The following MAPK10 variants were observed in gnomAD, a reference collection of about 807,000 sequenced individuals.
MAPK10 encodes JNK3 alpha protein kinase.
Under a neutral mutation model 59.3 loss-of-function variants are expected in MAPK10, and 25 were observed. That is an observed-to-expected ratio of 0.42 (90% confidence interval 0.31 to 0.59). The LOEUF (loss-of-function observed/expected upper bound fraction) is 0.59. MAPK10 is among the 20% of genes least tolerant of loss of function. The probability of loss-of-function intolerance (pLI) is 0.15; values close to 1 mark genes in which losing one functional copy is unlikely to be tolerated. For synonymous variants in MAPK10, 190 were observed against 200.5 expected (o/e 0.95, Z 0.44); for missense variants, 351 against 568.9 (o/e 0.62, Z 3.90).
At chr4:86,511,752 G>C (rs774438075) in intron 1 of MAPK10, among the ~76,000 whole-genome samples, 6 of 149,042 alleles carry the variant, frequency 4.0e-5, no homozygotes, top group Non-Finnish European at 8.9e-5. Context: ...AGGGAAAGGG[G>C]GAGGGGAGAG....
At chr4:86,477,339 C>T (rs1279609470) in intron 1 of MAPK10, among the ~76,000 whole-genome samples, 2 of 152,126 alleles carry the variant, frequency 1.3e-5, no homozygotes, top group Non-Finnish European at 2.9e-5. Flanking sequence ...TGCCCAGTTC[C>T]CTTATCAGGC....
intron 4 of MAPK10, among the ~76,000 whole-genome samples, chr4:86,116,636 C>G (rs1032838867): frequency 6.6e-6 from 1 of 152,196 alleles, no homozygotes; most frequent in African/African-American, 2.4e-5. Context: ...CTAGACAGTT[C>G]TCCTGGAAAC....
intron 13 of MAPK10, chr4:86,020,366 T>C (rs992119445): frequency 6.6e-6 from 1 of 152,292 alleles, no homozygotes; most frequent in Non-Finnish European, 1.5e-5. Context: ...TTTCAACTTT[T>C]TGGCTATTAC....
chr4:86,295,427 T>G (rs1455565737), intron 2 of MAPK10, among the ~76,000 whole-genome samples: 1 of 152,134 alleles, frequency 6.6e-6, no homozygotes, highest in Non-Finnish European at 1.5e-5. Flanking sequence ...ACCATCTAAC[T>G]TGCTCTACAT....
chr4:86,303,868 A>C (rs1025225566), intron 2 of MAPK10, among the ~76,000 whole-genome samples: 4 of 152,356 alleles, frequency 2.6e-5, no homozygotes, highest in Admixed American at 2.6e-4. Flanking sequence ...CTGCACTGCT[A>C]TCAGTTTTCT....
intron 1 of MAPK10, among the ~76,000 whole-genome samples, chr4:86,378,104 C>A (rs540685294): frequency 3.3e-5 from 5 of 152,148 alleles, no homozygotes; most frequent in Non-Finnish European, 7.4e-5. Context: ...TTAACCATCA[C>A]AGCAGCCATG....
At chr4:86,194,077 C>G in intron 3 of MAPK10, 1 of 438,518 alleles carries the variant, frequency 2.3e-6, no homozygotes, top group Non-Finnish European at 4.1e-6. Flanking sequence ...TGGGCTGCAC[C>G]CACTCTCTAA....
At chr4:86,208,246 A>G (rs570473087) in intron 2 of MAPK10, among the ~76,000 whole-genome samples, 1 of 151,750 alleles carries the variant, frequency 6.6e-6, no homozygotes, top group East Asian at 1.9e-4. Flanking sequence ...TTATGAAGCC[A>G]GCATCATTCT....
chr4:86,564,589 C>G (rs1760923386), intron 1 of MAPK10, among the ~76,000 whole-genome samples: 1 of 152,082 alleles, frequency 6.6e-6, no homozygotes, highest in Non-Finnish European at 1.5e-5. Flanking sequence ...GCACAGACAC[C>G]ACCAAATGAA....
chr4:86,446,847 C>T (rs1454252041), intron 1 of MAPK10, among the ~76,000 whole-genome samples: 1 of 152,146 alleles, frequency 6.6e-6, no homozygotes, highest in African/African-American at 2.4e-5. Context: ...TGAACTTCTT[C>T]TTCTTTGAAT....
chr4:86,546,313 T>C (rs1331576935), intron 1 of MAPK10, among the ~76,000 whole-genome samples: 1 of 151,494 alleles, frequency 6.6e-6, no homozygotes, highest in East Asian at 1.9e-4. Flanking sequence ...TTTAGGAGGC[T>C]GAGACGGGCA....
At chr4:86,096,539 T>C (rs2054258556) in intron 9 of MAPK10, among the ~76,000 whole-genome samples, 2 of 151,964 alleles carry the variant, frequency 1.3e-5, no homozygotes, top group South Asian at 2.1e-4. Flanking sequence ...TGTAACAAAA[T>C]GTCACATGGA....
At chr4:86,250,308 T>C (rs747683117) in intron 2 of MAPK10, among the ~76,000 whole-genome samples, 1 of 152,162 alleles carries the variant, frequency 6.6e-6, no homozygotes, top group Non-Finnish European at 1.5e-5. Context: ...GGTTTTAAAG[T>C]AGTCCTTATA....
At chr4:86,106,293 T>C (rs989127469) in intron 5 of MAPK10, among the ~76,000 whole-genome samples, 3 of 152,072 alleles carry the variant, frequency 2.0e-5, no homozygotes, top group Admixed American at 2.0e-4. Flanking sequence ...ACCGCACTGG[T>C]AATGTGTTCT....
At chr4:86,580,414 G>A (rs984665581) in intron 1 of MAPK10, among the ~76,000 whole-genome samples, 1 of 151,908 alleles carries the variant, frequency 6.6e-6, no homozygotes, top group African/African-American at 2.4e-5. Context: ...CAGGAGAATT[G>A]CTTGAAGCCA....
intron 2 of MAPK10, among the ~76,000 whole-genome samples, chr4:86,273,940 A>G (rs2094501770): frequency 6.6e-6 from 1 of 152,062 alleles, no homozygotes; most frequent in Admixed American, 6.6e-5. Context: ...TGATATTCTT[A>G]TCTTGAATCA....
chr4:86,287,612 T>C (rs1195060825), intron 2 of MAPK10, among the ~76,000 whole-genome samples: 1 of 152,202 alleles, frequency 6.6e-6, no homozygotes, highest in Non-Finnish European at 1.5e-5. Context: ...GTTCTAAGCA[T>C]CATGCAACTT....
At chr4:86,382,551 C>T (rs1218096994) in intron 1 of MAPK10, among the ~76,000 whole-genome samples, 1 of 152,184 alleles carries the variant, frequency 6.6e-6, no homozygotes, top group Non-Finnish European at 1.5e-5. Flanking sequence ...GCTTGTTCAC[C>T]TAGATGCTAG....
chr4:86,196,605 T>C (rs60932095), intron 2 of MAPK10, among the ~76,000 whole-genome samples: 5,394 of 152,280 alleles, frequency 0.035, 233 homozygotes, highest in African/African-American at 0.1. Flanking sequence ...GCTATTGCTT[T>C]TTGGTGTTTT....
Sources: gnomAD v4.1 joint callset for allele counts (sites outside exome capture counted in the v4.1 genomes callset) on GRCh38, gnomAD v4.1.1 for gene constraint, MANE v1.5 for transcripts, NCBI Gene and HGNC (gene_info 2026-07-23, HGNC 2026-07-21) for gene names.